Variants in NELL1 observed in about 807,000 individuals in gnomAD.
NELL1 encodes the protein protein kinase C-binding protein NELL1.
A neutral mutation model predicts 107.4 loss-of-function variants in NELL1; 76 were observed. The observed-to-expected ratio is 0.71, with a 90% CI of 0.59 to 0.86. NELL1 has a LOEUF of 0.86. Ranked by LOEUF, NELL1 falls within the 40% of genes least tolerant of loss-of-function variation. The pLI is 0.00. For synonymous variants in NELL1, 353 were observed against 341.2 expected, an observed-to-expected ratio of 1.03 and a Z score of -0.38; for missense variants, 1,024 against 1,005.5, an observed-to-expected ratio of 1.02 and a Z score of -0.25.
At chr11:20,739,618 A>C (rs186871800) in intron 2 of NELL1, among the ~76,000 whole-genome samples, 1 of 152,122 alleles carries the variant, frequency 6.6e-6, no homozygotes, top group Non-Finnish European at 1.5e-5. Flanking sequence ...AGTGAAAGGG[A>C]TGGAGGTCCT....
chr11:21,470,099 C>T (rs1002171853), intron 15 of NELL1, among the ~76,000 whole-genome samples: 1 of 151,998 alleles, frequency 6.6e-6, no homozygotes, highest in African/African-American at 2.4e-5. Flanking sequence ...TTTATGAACT[C>T]ATTTAATTCT....
At chr11:20,870,861 C>T (rs750508466) in intron 4 of NELL1, among the ~76,000 whole-genome samples, 7 of 152,126 alleles carry the variant, frequency 4.6e-5, no homozygotes, top group African/African-American at 7.2e-5. Context: ...AAATTTCTTT[C>T]AAGAAGATGA....
At chr11:21,546,492 C>T (rs374876490) in intron 16 of NELL1, among the ~76,000 whole-genome samples, 2 of 151,920 alleles carry the variant, frequency 1.3e-5, no homozygotes, top group African/African-American at 2.4e-5. Context: ...GGGAGGGAAC[C>T]AGTGGGAGGT....
rs1278998372 is a variant in NELL1, at chr11:20,806,125, C to CTT, written c.335+22309_335+22310dup. On this transcript the variant is annotated intron_variant, in intron 3 of 19. Transcript: ENST00000357134. ...TGATTACTTACTGCTTATTAATGTCCTTTTTTTTTTTTTTTATCAGATTGA... is the reference window on the plus strand; with the variant it reads ...TGATTACTTACTGCTTATTAATGTCCTTTTTTTTTTTTTTTTTATCAGATTGA... Among the ~76,000 whole-genome samples, 674 of 134,892 alleles carry CTT rather than the reference C, an allele frequency of 5.0e-3. 6 individuals carry two copies. The highest frequency in any genetic ancestry group is 0.016 in the African/African-American group (613 of 37,360). The allele number at this position is 134,892 out of a possible 152,430, so 88.5% of individuals were successfully genotyped here. A position where few individuals can be genotyped will look rare whatever the true frequency, so the allele number is the denominator to read the frequency against.
At chr11:20,710,807 G>C (rs981885564) in intron 2 of NELL1, among the ~76,000 whole-genome samples, 2 of 151,890 alleles carry the variant, frequency 1.3e-5, no homozygotes, top group Admixed American at 6.6e-5. Flanking sequence ...TCTAGTTTGT[G>C]TGAGCAAAGG....
chr11:21,507,938 G>A (rs867810969), intron 15 of NELL1, among the ~76,000 whole-genome samples: 7 of 151,698 alleles, frequency 4.6e-5, no homozygotes, highest in South Asian at 2.1e-4. Flanking sequence ...GCACCACTAC[G>A]CCTGGCTAAT....
At chr11:20,700,752 T>C (rs1012009617) in intron 2 of NELL1, among the ~76,000 whole-genome samples, 1 of 151,768 alleles carries the variant, frequency 6.6e-6, no homozygotes, top group African/African-American at 2.4e-5. Flanking sequence ...AGTAAGAACA[T>C]GCGGTGTTTG....
At chr11:21,101,311 G>T (rs1244804157) in intron 12 of NELL1, among the ~76,000 whole-genome samples, 1 of 152,184 alleles carries the variant, frequency 6.6e-6, no homozygotes. Context: ...GTGTGCATGT[G>T]TCTTTATAGC....
intron 17 of NELL1, among the ~76,000 whole-genome samples, chr11:21,567,562 G>A (rs1430528671): frequency 6.6e-6 from 1 of 151,802 alleles, no homozygotes; most frequent in Non-Finnish European, 1.5e-5. Flanking sequence ...AAGAGCCAAT[G>A]CACACGATAC....
At chr11:20,833,316 G>A (rs1175134116) in intron 3 of NELL1, among the ~76,000 whole-genome samples, 4 of 151,976 alleles carry the variant, frequency 2.6e-5, no homozygotes, top group Non-Finnish European at 4.4e-5. Context: ...TTATTTAAAT[G>A]GTGCTTTTAC....
intron 3 of NELL1, among the ~76,000 whole-genome samples, chr11:20,804,865 A>C (rs1340576632): frequency 2.0e-5 from 3 of 152,180 alleles, no homozygotes; most frequent in Non-Finnish European, 4.4e-5. Flanking sequence ...GATCTGTCTG[A>C]AAGTACGGTG....
intron 15 of NELL1, among the ~76,000 whole-genome samples, chr11:21,460,139 A>G (rs1853863488): frequency 6.6e-6 from 1 of 152,088 alleles, no homozygotes; most frequent in African/African-American, 2.4e-5. Flanking sequence ...CAGAGAGTAT[A>G]ATGGAAAGTA....
chr11:20,872,288 C>T (rs1183152087), intron 4 of NELL1, among the ~76,000 whole-genome samples: 1 of 151,404 alleles, frequency 6.6e-6, no homozygotes, highest in Non-Finnish European at 1.5e-5. Flanking sequence ...GATTCTCCCG[C>T]TCCCACCTCA....
chr11:20,705,641 C>T (rs1266264301), intron 2 of NELL1, among the ~76,000 whole-genome samples: 4 of 142,192 alleles, frequency 2.8e-5, no homozygotes, highest in Non-Finnish European at 3.1e-5. Context: ...AAAGCAATGG[C>T]AACAAAAGCC....
chr11:21,264,912 T>A (rs891509293), intron 14 of NELL1, among the ~76,000 whole-genome samples: 24 of 151,934 alleles, frequency 1.6e-4, no homozygotes, highest in Middle Eastern at 3.4e-3. Flanking sequence ...TGAAGAAAAA[T>A]AATAATAAAA....
In NELL1 at chr11:21,041,331, TAATATA is replaced by T. The variant is rs1257297638; in HGVS notation, c.1301-72250_1301-72245del. ...ATAGTTAATTGTTAATAAAAATAGT[TAATATA>T]AATATAATATCATGGCATTAATGGA... On this transcript the variant is annotated intron_variant, in intron 12 of 19. Coordinates refer to ENST00000357134, the MANE Select transcript of NELL1 (RefSeq NM_006157.5). Among the ~76,000 whole-genome samples, 169 of 152,340 alleles carry T rather than the reference TAATATA, an allele frequency of 1.1e-3. 3 individuals are homozygous for T. In the South Asian group the frequency reaches 0.034, roughly 31 times the overall value.
chr11:21,500,424 G>A (rs192753699), intron 15 of NELL1, among the ~76,000 whole-genome samples: 2 of 152,104 alleles, frequency 1.3e-5, no homozygotes, highest in East Asian at 1.9e-4. Flanking sequence ...TAATGATTAT[G>A]TACCTCCAGG....
At chr11:20,900,756 T>A (rs1242551720) in intron 5 of NELL1, among the ~76,000 whole-genome samples, 2 of 152,124 alleles carry the variant, frequency 1.3e-5, no homozygotes, top group African/African-American at 4.8e-5. Flanking sequence ...GCAGAGTGTA[T>A]GTATGCGTGT....
intron 2 of NELL1, among the ~76,000 whole-genome samples, chr11:20,748,898 A>ATCCATCCG (rs1856066400): frequency 6.7e-6 from 1 of 148,224 alleles, no homozygotes; most frequent in African/African-American, 2.6e-5. Flanking sequence ...CCATCCATCC[A>ATCCATCCG]TCCACCCAGC....
Sources: allele counts gnomAD v4.1 joint callset (sites outside exome capture counted in the v4.1 genomes callset), GRCh38; gene constraint gnomAD v4.1.1; transcripts MANE v1.5; gene names NCBI Gene and HGNC (gene_info 2026-07-23, HGNC 2026-07-21).